MAP6: variants seen among roughly 807,000 people sequenced by gnomAD.
The protein encoded by MAP6 is microtubule-associated protein 6.
Under a neutral mutation model 42.4 loss-of-function variants are expected in MAP6, and 26 were observed. The ratio of observed to expected loss-of-function variants is 0.61; its 90% CI spans 0.45 to 0.85. The LOEUF is 0.85. Among genes scored for constraint, MAP6 ranks in the 40% least tolerant of loss-of-function variants. The probability of loss-of-function intolerance (pLI) is 0.00; values close to 1 mark genes in which losing one functional copy is unlikely to be tolerated. For synonymous variants in MAP6, 418 were observed against 443.8 expected, an observed-to-expected ratio of 0.94 and a Z score of 0.73; for missense variants, 966 against 1,099.0, an observed-to-expected ratio of 0.88 and a Z score of 1.71.
intron 3 of MAP6, among the ~76,000 whole-genome samples, chr11:75,600,555 A>G (rs1942648328): frequency 6.6e-6 from 1 of 152,150 alleles, no homozygotes; most frequent in South Asian, 2.1e-4. Context: ...TGTTTGAAAC[A>G]GCTGTCTTTC....
intron 1 of MAP6, among the ~76,000 whole-genome samples, chr11:75,634,644 C>G (rs1298729763): frequency 2.0e-5 from 3 of 152,204 alleles, no homozygotes; most frequent in Admixed American, 6.5e-5. Flanking sequence ...ATGGCAAAAG[C>G]AAATCCCACA....
intron 3 of MAP6, among the ~76,000 whole-genome samples, chr11:75,588,421 C>A (rs1417502726): frequency 2.6e-5 from 4 of 152,116 alleles, no homozygotes; most frequent in African/African-American, 7.2e-5. Flanking sequence ...TTGATTATAA[C>A]CTGCACGTGG....
intron 1 of MAP6, among the ~76,000 whole-genome samples, chr11:75,623,700 A>G (rs1943148925): frequency 6.6e-6 from 1 of 152,172 alleles, no homozygotes; most frequent in African/African-American, 2.4e-5. Flanking sequence ...GAACCAACGA[A>G]TAAACACCTT....
At chr11:75,664,585 G>A (rs1943914773) in intron 1 of MAP6, among the ~76,000 whole-genome samples, 1 of 152,210 alleles carries the variant, frequency 6.6e-6, no homozygotes, top group Admixed American at 6.5e-5. Context: ...CAGAAGAAAA[G>A]GGTTTGTAAA....
At chr11:75,605,082 A>G (rs1942736347) in intron 3 of MAP6, 4 of 985,468 alleles carry the variant, frequency 4.1e-6, no homozygotes, top group South Asian at 4.7e-5. Flanking sequence ...TGATCTTCCT[A>G]TGACAGCTGG....
At chr11:75,591,880 A>G (rs1942482644) in intron 3 of MAP6, among the ~76,000 whole-genome samples, 1 of 152,180 alleles carries the variant, frequency 6.6e-6, no homozygotes, top group African/African-American at 2.4e-5. Context: ...ACAACAGAAA[A>G]TTTTGCTAGG....
Position 75,668,596 on chromosome 11 carries a change from G to A in MAP6, c.-227C>T. 1 of 427,510 alleles carries A rather than the reference G, an allele frequency of 2.3e-6. No homozygotes were observed. The highest frequency in any genetic ancestry group is 3.8e-6 in the Non-Finnish European group (1 of 265,792). 26.5% of individuals were successfully genotyped at this position (427,510 alleles called of 1,614,324 possible). A position where few individuals can be genotyped will look rare whatever the true frequency, so the allele number is the denominator to read the frequency against. ...TTACCGGTCGCAAACGCCTTTGGGA[G>A]CGCAGTCTGCTGCGAGCGCCGAAGG... On this transcript the variant is annotated 5_prime_UTR_variant, in exon 1 of 4. Transcript: ENST00000304771.
At chr11:75,651,493 T>C (rs1029989675) in intron 1 of MAP6, among the ~76,000 whole-genome samples, 2 of 152,180 alleles carry the variant, frequency 1.3e-5, no homozygotes, top group Non-Finnish European at 2.9e-5. Flanking sequence ...GATCTCACTG[T>C]ATACCTTTTA....
rs142320266 is a variant in MAP6 at position 75,586,996 on chromosome 11, C to T, written c.*63G>A. The stretch of plus-strand genomic sequence containing the variant: ...CATGCAGATTAAATATGTGTCTTCA[C>T]TGCCCCTGGGAGGGGAGCACTCTCA... On this transcript the variant is annotated 3_prime_UTR_variant, in exon 4 of 4. Coordinates refer to ENST00000304771, the MANE Select transcript of MAP6 (RefSeq NM_033063.2). 15 of 1,463,304 alleles carry T rather than the reference C, an allele frequency of 1.0e-5. No individual in the cohort carries two copies. The highest frequency in any genetic ancestry group is 1.8e-4 in the Middle Eastern group (1 of 5,482). 90.6% of individuals were successfully genotyped at this position (1,463,304 alleles called of 1,614,324 possible).
chr11:75,667,342 G>T lies in MAP6; in HGVS notation c.905+123C>A. 1 of 891,720 alleles carries T rather than the reference G, an allele frequency of 1.1e-6. No homozygotes were observed. The allele number at this position is 891,720 out of a possible 1,614,324, so 55.2% of individuals were successfully genotyped here. On this transcript the variant is annotated intron_variant, in intron 1 of 3. Coordinates refer to ENST00000304771, the MANE Select transcript of MAP6 (RefSeq NM_033063.2). This position sits in a 1 kb window ranked among gnomAD's most constrained non-coding sequence, Gnocchi z 5.6. ...TGGCCTGGGAGGCGGCTGGGGAGAG[G>T]GTGTGGCCTGGGACTGGAGGGAGGC...
At chr11:75,660,095 T>C (rs917740497) in intron 1 of MAP6, among the ~76,000 whole-genome samples, 1 of 152,172 alleles carries the variant, frequency 6.6e-6, no homozygotes, top group Non-Finnish European at 1.5e-5. Flanking sequence ...CAAGTTTCTC[T>C]CCTGGCTTTC....
At chr11:75,643,752 C>A (rs1457600963) in intron 1 of MAP6, among the ~76,000 whole-genome samples, 1 of 152,096 alleles carries the variant, frequency 6.6e-6, no homozygotes, top group Non-Finnish European at 1.5e-5. Context: ...TCATTTAATC[C>A]CCACCCCTAT....
chr11:75,597,015 C>T (rs769768668), intron 3 of MAP6, among the ~76,000 whole-genome samples: 7 of 152,212 alleles, frequency 4.6e-5, no homozygotes, highest in Non-Finnish European at 7.3e-5. Context: ...CATCCTGGCT[C>T]ACCACTTACA....
chr11:75,668,870 C>T lies in MAP6; in HGVS notation c.-501G>A. 6.0e-6 allele frequency: 1 copy of T among 165,372 alleles called. No homozygotes were observed. 10.2% of individuals were successfully genotyped at this position (165,372 alleles called of 1,614,324 possible). A position where few individuals can be genotyped will look rare whatever the true frequency, so the allele number is the denominator to read the frequency against. ...AGCAGGGCTGGGAGGCCATCACCTCCAGCGGAGACCGAGCATTGCTGCCTC... is the reference window on the plus strand; with the variant it reads ...AGCAGGGCTGGGAGGCCATCACCTCTAGCGGAGACCGAGCATTGCTGCCTC... On this transcript the variant is annotated 5_prime_UTR_variant, in exon 1 of 4. An upstream open reading frame in the 5' UTR gains an earlier in-frame stop. Transcript: ENST00000304771.
chr11:75,637,916 G>T (rs1943398201), intron 1 of MAP6, among the ~76,000 whole-genome samples: 1 of 150,582 alleles, frequency 6.6e-6, no homozygotes. Flanking sequence ...AGGAGGGAGG[G>T]AAAGAAGGAA....
intron 3 of MAP6, chr11:75,604,214 T>C (rs1230297652): frequency 1.0e-6 from 1 of 985,898 alleles, no homozygotes; most frequent in Non-Finnish European, 1.2e-6. Context: ...TTATGGCTCA[T>C]GTAGCACACG....
chr11:75,620,269 A>C (rs1943084566), intron 1 of MAP6, among the ~76,000 whole-genome samples: 1 of 152,184 alleles, frequency 6.6e-6, no homozygotes, highest in Non-Finnish European at 1.5e-5. Flanking sequence ...CAGGAGTTTG[A>C]GACCAGCCCG....
At chr11:75,619,786 T>A (rs1943076244) in intron 1 of MAP6, among the ~76,000 whole-genome samples, 1 of 152,248 alleles carries the variant, frequency 6.6e-6, no homozygotes, top group Non-Finnish European at 1.5e-5. Context: ...GCGGTGAACA[T>A]ATACAGGCAT....
At chr11:75,612,181 G>A (rs1334054545) in intron 1 of MAP6, among the ~76,000 whole-genome samples, 1 of 152,206 alleles carries the variant, frequency 6.6e-6, no homozygotes, top group Non-Finnish European at 1.5e-5. Context: ...AGAAATTCAT[G>A]GTCCCCTGTA....
Sources: allele counts gnomAD v4.1 joint callset (sites outside exome capture counted in the v4.1 genomes callset), GRCh38; gene constraint gnomAD v4.1.1; non-coding constraint Gnocchi (gnomAD v3.1); transcripts MANE v1.5; gene names NCBI Gene and HGNC (gene_info 2026-07-23, HGNC 2026-07-21).